LMLN: variants seen among roughly 807,000 people sequenced by gnomAD.
The protein encoded by LMLN is leishmanolysin like peptidase, also known as leishmanolysin-like peptidase.
In LMLN, 70 loss-of-function variants were observed where a neutral mutation model predicts 92.3. That is an observed-to-expected ratio of 0.76 (90% CI 0.63 to 0.92). LMLN has a LOEUF of 0.92. Ranked by LOEUF, LMLN falls within the 40% of genes least tolerant of loss-of-function variation. The pLI is 0.00. For missense variants in LMLN, 691 were observed against 814.6 expected (o/e 0.85, Z 1.85); for synonymous variants, 308 against 296.2 (o/e 1.04, Z -0.41).
chr3:198,043,649 T>A (rs749627908), exon 16 of LMLN: 1 of 152,618 alleles, frequency 6.6e-6, no homozygotes, highest in Non-Finnish European at 1.5e-5. Flanking sequence ...TAAGAACTAA[T>A]ATTTATGGTA....
chr3:197,985,555 AAT>A, intron 7 of LMLN: 1 of 276,712 alleles, frequency 3.6e-6, no homozygotes, highest in Non-Finnish European at 6.7e-6. Context: ...ATAAATTTAA[AAT>A]ATATAATACA....
At chr3:197,975,193 G>A (rs1323683135) in intron 3 of LMLN, 121 bp downstream of exon 3, 2 of 577,636 alleles carry the variant, frequency 3.5e-6, no homozygotes, top group Non-Finnish European at 6.1e-6. Context: ...TGTTGGTAGT[G>A]AAAGTGCTGA....
chr3:198,013,881 C>T (rs1237173611), intron 11 of LMLN, among the ~76,000 whole-genome samples: 13 of 136,614 alleles, frequency 9.5e-5, no homozygotes, highest in Admixed American at 2.1e-4. Flanking sequence ...CCCTTCAGAG[C>T]CCCCTAACTA....
intron 7 of LMLN, 46 bp downstream of exon 7, chr3:197,984,094 G>T: frequency 8.2e-7 from 1 of 1,215,020 alleles, no homozygotes. Flanking sequence ...TTGATTTTCT[G>T]CTTAGTATGT....
chr3:197,983,009 C>T (rs145987654), intron 6 of LMLN, among the ~76,000 whole-genome samples: 240 of 152,210 alleles, frequency 1.6e-3, no homozygotes, highest in African/African-American at 5.5e-3. Context: ...TGCAGGAAGC[C>T]CCTGAAGAGT....
intron 11 of LMLN, among the ~76,000 whole-genome samples, chr3:198,011,719 A>G (rs1402089733): frequency 6.6e-6 from 1 of 151,706 alleles, no homozygotes; most frequent in African/African-American, 2.4e-5. Flanking sequence ...ACAATGGTTG[A>G]ACTAGTTTAC....
intron 11 of LMLN, among the ~76,000 whole-genome samples, chr3:198,013,103 GC>G (rs1475250055): frequency 1.4e-5 from 2 of 139,312 alleles, no homozygotes; most frequent in East Asian, 4.1e-4. Flanking sequence ...ACCCTTCAGA[GC>G]CCCCTAACTA....
intron 11 of LMLN, among the ~76,000 whole-genome samples, chr3:198,017,841 C>G (rs969314465): frequency 6.6e-6 from 1 of 152,080 alleles, no homozygotes; most frequent in Non-Finnish European, 1.5e-5. Flanking sequence ...TGCTTGAACC[C>G]GGGAGGTGGA....
Position 198,031,883 on chromosome 3 carries a change from C to T in LMLN, c.1657-3950C>T, listed in dbSNP as rs529248503. 3.0e-4 allele frequency among the ~76,000 whole-genome samples: 45 copies of T among 152,082 alleles called. 1 individual carries two copies. Among genetic ancestry groups the T allele is most frequent in the Non-Finnish European group, 1.0e-4 (7 of 68,030 alleles). On this transcript the variant is annotated intron_variant, in intron 14 of 15. Transcript: ENST00000330198. This position sits in a 1 kb window ranked among gnomAD's most constrained non-coding sequence, Gnocchi z 4.8. ...TTGGGAGCCCGAGACAGGCGGATCA[C>T]TTGAGGTCAAGAGTTTGAAAGCAGC...
chr3:197,961,954 A>G (rs1720911218), intron 1 of LMLN, among the ~76,000 whole-genome samples: 1 of 152,132 alleles, frequency 6.6e-6, no homozygotes, highest in Non-Finnish European at 1.5e-5. Flanking sequence ...TTCTTGTTTC[A>G]TATACTTTCA....
At chr3:197,980,360 A>C in exon 6 of LMLN, 1 of 1,614,052 alleles carries the variant, frequency 6.2e-7, no homozygotes, top group Non-Finnish European at 8.5e-7. Flanking sequence ...AAGTGGCCTC[A>C]TGGAGCAGTG....
At chr3:198,026,987 CGTGT>C (rs148122686) in intron 14 of LMLN, among the ~76,000 whole-genome samples, 1 of 151,484 alleles carries the variant, frequency 6.6e-6, no homozygotes, top group African/African-American at 2.4e-5. Flanking sequence ...CCTGTGAGTG[CGTGT>C]GTGTGTGTGT....
intron 8 of LMLN, among the ~76,000 whole-genome samples, chr3:197,987,261 G>T (rs1172243701): frequency 2.0e-5 from 3 of 150,202 alleles, no homozygotes; most frequent in Non-Finnish European, 4.4e-5. Flanking sequence ...CTGGGTTCAC[G>T]CCATTCTTCT....
intron 6 of LMLN, among the ~76,000 whole-genome samples, chr3:197,983,262 G>A (rs1721608318): frequency 6.6e-6 from 1 of 152,132 alleles, no homozygotes; most frequent in Non-Finnish European, 1.5e-5. Context: ...ACTGAGCTTG[G>A]GGTTCCTCAG....
exon 1 of LMLN, chr3:197,960,249 G>T (rs1323036747): frequency 6.2e-7 from 1 of 1,611,580 alleles, no homozygotes; most frequent in South Asian, 1.1e-5. Context: ...CCCGAAGATG[G>T]CGGCCGAATG....
Position 198,025,918 on chromosome 3 carries a change from A to G in LMLN, c.1656+1130A>G, listed in dbSNP as rs1233650920. Among the ~76,000 whole-genome samples, 3 of 152,114 alleles carry G rather than the reference A, an allele frequency of 2.0e-5. No individual in the cohort carries two copies. The East Asian group carries it at 5.8e-4, about 29-fold the overall frequency. ...GGAAATTTAACTCTTATCATTAGTT[A>G]CTTATCAAATTAACGTTTTTTTTGG... On this transcript the variant is annotated intron_variant, in intron 14 of 15. Transcript: ENST00000330198. This position sits in a 1 kb window ranked among gnomAD's most constrained non-coding sequence, Gnocchi z 4.3.
intron 11 of LMLN, among the ~76,000 whole-genome samples, chr3:198,012,345 G>A (rs1159446119): frequency 1.3e-5 from 2 of 152,202 alleles, no homozygotes; most frequent in Non-Finnish European, 2.9e-5. Context: ...GATTACAGGC[G>A]GGAGCCACCG....
At chr3:197,975,597 G>A (rs1193695601) in intron 3 of LMLN, among the ~76,000 whole-genome samples, 1 of 151,990 alleles carries the variant, frequency 6.6e-6, no homozygotes, top group African/African-American at 2.4e-5. Flanking sequence ...TTTAATTAAA[G>A]GTAAGATTTT....
At chr3:197,988,481 C>CTTTTTTTTTTT (rs67505779) in intron 8 of LMLN, among the ~76,000 whole-genome samples, 3 of 42,018 alleles carry the variant, frequency 7.1e-5, no homozygotes, top group African/African-American at 2.0e-4. Flanking sequence ...GGATTTACCC[C>CTTTTTTTTTTT]TTTTTTTTTT....
Sources: gnomAD v4.1 joint callset for allele counts (sites outside exome capture counted in the v4.1 genomes callset) on GRCh38, gnomAD v4.1.1 for gene constraint, Gnocchi (gnomAD v3.1) non-coding constraint, MANE v1.5 for transcripts, NCBI Gene and HGNC (gene_info 2026-07-23, HGNC 2026-07-21) for gene names.